Variants in XKR5 observed in about 807,000 individuals in gnomAD.
XKR5 encodes XK-related protein 5.
XKR5 carries 46 observed loss-of-function variants against 40.8 expected under a neutral mutation model. That is an observed-to-expected ratio of 1.13 (90% CI 0.89 to 1.44). The LOEUF is 1.44. Ranked by LOEUF, XKR5 falls within the 40% of genes most tolerant of loss-of-function variation. The pLI is 0.00. For synonymous variants in XKR5, 466 were observed against 356.1 expected (o/e 1.31, Z -3.48); for missense variants, 1,169 against 844.7 (o/e 1.38, Z -4.76).
At chr8:6,820,928 A>C (rs955355050) in intron 5 of XKR5, among the ~76,000 whole-genome samples, 1 of 152,182 alleles carries the variant, frequency 6.6e-6, no homozygotes, top group Non-Finnish European at 1.5e-5. Flanking sequence ...TCTCCTTTTC[A>C]TATGAATAAT....
Position 6,812,223 on chromosome 8 carries a change from C to A in XKR5, c.1036G>T (p.Asp346Tyr), listed in dbSNP as rs1453182050. ...GCTAGATCTGTGGCCCGGGGAGAAT[C>A]TCTTCTCTCTGTTTTATCACCTCCT... The part of the protein sequence containing the change: ...IAGGDKTERR[D>Y]SPRATDLAGK... Residue 346 changes from aspartate (D) to tyrosine (Y), a missense_variant, in exon 7 of 7, where the codon GAT becomes TAT. Coordinates refer to ENST00000618742, the MANE Select transcript of XKR5 (RefSeq NM_207411.5). 1 of 1,552,076 alleles carries A rather than the reference C, an allele frequency of 6.4e-7. No individual in the cohort carries two copies. Among genetic ancestry groups the A allele is most frequent in the Non-Finnish European group, 8.7e-7 (1 of 1,147,086 alleles).
rs867939334 is a variant in XKR5, at chr8:6,811,472, GC to G, written c.1786del (p.Ala596ProfsTer7). 4.6e-6 allele frequency: 7 copies of G among 1,530,480 alleles called. No individual in the cohort carries two copies. In the Admixed American group the frequency reaches 5.9e-5, roughly 13 times the overall value. The allele number at this position is 1,530,480 out of a possible 1,614,324, so 94.8% of individuals were successfully genotyped here. A position where few individuals can be genotyped will look rare whatever the true frequency, so the allele number is the denominator to read the frequency against. ...TGTGCCTAGGATGGGGCTAATGTCG[GC>G]CATGGTGTCGGGGAAGGGCGCCAAG... ...VGLAPFPDTM[A>X]DISPILGTGP... On this transcript the variant is annotated frameshift_variant, in exon 7 of 7. Coordinates refer to ENST00000618742, the MANE Select transcript of XKR5 (RefSeq NM_207411.5). LOFTEE classifies it low-confidence loss of function (END_TRUNC).
chr8:6,818,259 A>G (rs1804057627), intron 5 of XKR5, among the ~76,000 whole-genome samples: 1 of 152,060 alleles, frequency 6.6e-6, no homozygotes, highest in South Asian at 2.1e-4. Context: ...CGCCGTCCAC[A>G]CCTTTTCTTC....
In XKR5 at chr8:6,811,285, G is replaced by A. The variant is rs1057081576; in HGVS notation, c.1974C>T (p.Cys658=). 10 of 1,537,180 alleles carry A rather than the reference G, an allele frequency of 6.5e-6. No homozygotes were observed. Among genetic ancestry groups the A allele is most frequent in the Middle Eastern group, 1.7e-4 (1 of 6,012 alleles). The change falls in exon 7 of 7, where the codon TGC becomes TGT. Residue 658 remains cysteine (C), a synonymous_variant. Coordinates refer to ENST00000618742, the MANE Select transcript of XKR5 (RefSeq NM_207411.5). The part of the protein sequence containing the change: ...LPQLRTAHEP[C]LTSTPKSESI... ...ACTCAGACTTAGGGGTGGACGTGAG[G>A]CAGGGCTCATGGGCAGTCCTCAGCT... is the stretch of plus-strand genomic sequence containing the variant.
rs1803569029 is a variant in XKR5, at chr8:6,809,112, G to A, written c.*2086C>T. 1 of 152,340 alleles carries A rather than the reference G, an allele frequency of 6.6e-6. No individual in the cohort carries two copies. The highest frequency in any genetic ancestry group is 1.5e-5 in the Non-Finnish European group (1 of 68,226). 9.4% of individuals were successfully genotyped at this position (152,340 alleles called of 1,614,324 possible). On this transcript the variant is annotated 3_prime_UTR_variant, in exon 7 of 7. Transcript: ENST00000618742. ...GTCTGGGAGAGCTGGAGCTGGGGAG[G>A]GCCCAGGAAGGCACCAAGAGGAGAT...
chr8:6,829,012 G>C (rs764338758), intron 2 of XKR5, among the ~76,000 whole-genome samples: 1 of 152,116 alleles, frequency 6.6e-6, no homozygotes, highest in Non-Finnish European at 1.5e-5. Context: ...TGTCGGAAAC[G>C]CCTGTTCCCT....
At chr8:6,830,864 T>A (rs1477929754) in intron 2 of XKR5, among the ~76,000 whole-genome samples, 1 of 152,178 alleles carries the variant, frequency 6.6e-6, no homozygotes, top group Non-Finnish European at 1.5e-5. Flanking sequence ...AAAGACAGTG[T>A]GGGGTCCACT....
intron 1 of XKR5, among the ~76,000 whole-genome samples, chr8:6,834,609 G>A (rs1804923602): frequency 6.6e-6 from 1 of 152,222 alleles, no homozygotes; most frequent in African/African-American, 2.4e-5. Flanking sequence ...GGAAGCAGCG[G>A]GACCTGCGGG....
intron 2 of XKR5, among the ~76,000 whole-genome samples, chr8:6,832,488 A>G (rs1804814378): frequency 6.6e-6 from 1 of 152,220 alleles, no homozygotes; most frequent in African/African-American, 2.4e-5. Context: ...GCCTTTCGTA[A>G]GGTCACAGCT....
In XKR5 at chr8:6,811,324, C is replaced by T; in HGVS notation, c.1935G>A (p.Trp645Ter). 6.5e-7 allele frequency: 1 copy of T among 1,537,314 alleles called. No homozygotes were observed. The highest frequency in any genetic ancestry group is 1.2e-5 in the South Asian group (1 of 84,062). The change falls in exon 7 of 7, where the codon TGG becomes TGA. Residue 645 changes from tryptophan to a stop codon, truncating the protein, a stop_gained. Transcript: ENST00000618742. LOFTEE classifies it low-confidence loss of function (END_TRUNC). ...ELSHHAAVGV[W>*]VSLPQLRTAH... The stretch of plus-strand genomic sequence containing the variant: ...CAGTCCTCAGCTGTGGCAATGACAC[C>T]CACACACCAACAGCTGCATGGTGAC...
At chr8:6,825,652 A>T (rs1256335158) in intron 2 of XKR5, among the ~76,000 whole-genome samples, 5 of 152,014 alleles carry the variant, frequency 3.3e-5, no homozygotes, top group African/African-American at 9.7e-5. Context: ...CCAGACTGCC[A>T]GCTCTGTGAA....
intron 2 of XKR5, 123 bp from the exon 3 acceptor site, chr8:6,825,472 A>G: frequency 1.1e-6 from 1 of 883,326 alleles, no homozygotes; most frequent in Middle Eastern, 3.6e-4. Context: ...AGTCACCTAG[A>G]GTTACTAGTT....
chr8:6,825,089 T>G, intron 3 of XKR5, 76 bp downstream of exon 3: 3 of 1,557,052 alleles, frequency 1.9e-6, no homozygotes, highest in African/African-American at 1.4e-5. Flanking sequence ...GAAGGGAGGG[T>G]TTTGCTAAAC....
chr8:6,821,474 T>G (rs1225056019), intron 5 of XKR5, among the ~76,000 whole-genome samples: 2 of 152,262 alleles, frequency 1.3e-5, no homozygotes, highest in Non-Finnish European at 2.9e-5. Flanking sequence ...CTTTTGTGTT[T>G]CTGATACTCT....
chr8:6,820,025 C>A (rs1200250522), intron 5 of XKR5, among the ~76,000 whole-genome samples: 1 of 152,240 alleles, frequency 6.6e-6, no homozygotes, highest in Non-Finnish European at 1.5e-5. Context: ...CTATCCATCA[C>A]CTTATCAATC....
intron 5 of XKR5, among the ~76,000 whole-genome samples, chr8:6,820,543 A>G (rs1242749865): frequency 1.3e-5 from 2 of 152,056 alleles, no homozygotes; most frequent in South Asian, 2.1e-4. Flanking sequence ...GTGTCCACCT[A>G]TGAATAAGCC....
At chr8:6,825,143 C>T (rs753535655) in intron 3 of XKR5, 22 bp downstream of exon 3, 1 of 1,612,912 alleles carries the variant, frequency 6.2e-7, no homozygotes, top group Non-Finnish European at 8.5e-7. Flanking sequence ...ACAGTCTGTG[C>T]TCTGTGGTGA....
chr8:6,829,944 T>C (rs1804683633), intron 2 of XKR5, among the ~76,000 whole-genome samples: 1 of 146,132 alleles, frequency 6.8e-6, no homozygotes, highest in Non-Finnish European at 1.5e-5. Flanking sequence ...TTCATGCCAT[T>C]CTCCTGCCTC....
chr8:6,826,541 G>A (rs947320809), intron 2 of XKR5, among the ~76,000 whole-genome samples: 16 of 152,166 alleles, frequency 1.1e-4, no homozygotes, highest in African/African-American at 3.6e-4. Flanking sequence ...TGGCTTTGAG[G>A]TTTCAGGCCT....
Sources: gnomAD v4.1 joint callset for allele counts (sites outside exome capture counted in the v4.1 genomes callset) on GRCh38, gnomAD v4.1.1 for gene constraint, MANE v1.5 for transcripts, NCBI Gene and HGNC (gene_info 2026-07-23, HGNC 2026-07-21) for gene names.